The following NCOA2 variants were observed in gnomAD, a reference collection of about 807,000 sequenced individuals.
NCOA2 encodes nuclear receptor coactivator 2, also known as class E basic helix-loop-helix protein 75.
Under a neutral mutation model 145.1 loss-of-function variants are expected in NCOA2, and 21 were observed. The observed-to-expected ratio is 0.14, with a 90% CI of 0.10 to 0.21. The LOEUF (loss-of-function observed/expected upper bound fraction) is 0.21, where lower values mean the gene tolerates loss of function less well. Ranked by LOEUF, NCOA2 falls within the 10% of genes least tolerant of loss-of-function variation. NCOA2 has a pLI of 1.00. For synonymous variants in NCOA2, 619 were observed against 637.5 expected, an observed-to-expected ratio of 0.97 and a Z score of 0.44; for missense variants, 1,472 against 1,837.6, an observed-to-expected ratio of 0.80 and a Z score of 3.64.
chr8:70,296,977 G>C (rs1827137062), intron 1 of NCOA2, among the ~76,000 whole-genome samples, 177 bp from the exon 2 acceptor site: 1 of 152,182 alleles, frequency 6.6e-6, no homozygotes. Flanking sequence ...TCAAGAAGTA[G>C]ACTTGCTGCA....
intron 2 of NCOA2, among the ~76,000 whole-genome samples, chr8:70,251,336 T>C (rs928347179): frequency 2.6e-5 from 4 of 152,234 alleles, no homozygotes; most frequent in East Asian, 1.9e-4. Flanking sequence ...AGAAGGACTA[T>C]AGAGTGCAAT....
intron 2 of NCOA2, among the ~76,000 whole-genome samples, chr8:70,242,355 C>T (rs1822211218): frequency 6.6e-6 from 1 of 152,058 alleles, no homozygotes; most frequent in Non-Finnish European, 1.5e-5. Context: ...TTATCTTTAA[C>T]ATTAAAATAA....
At chr8:70,390,564 G>C (rs921750685) in intron 1 of NCOA2, among the ~76,000 whole-genome samples, 18 of 150,562 alleles carry the variant, frequency 1.2e-4, no homozygotes, top group African/African-American at 4.4e-4. Flanking sequence ...CCCAGTCCAA[G>C]ACCAGCCTGG....
intron 1 of NCOA2, among the ~76,000 whole-genome samples, chr8:70,371,803 G>A (rs1811245043): frequency 6.6e-6 from 1 of 152,084 alleles, no homozygotes; most frequent in South Asian, 2.1e-4. Context: ...AAAACTCTAA[G>A]AAAATTTCTT....
chr8:70,396,252 T>C (rs1417204497), intron 1 of NCOA2, among the ~76,000 whole-genome samples: 1 of 152,256 alleles, frequency 6.6e-6, no homozygotes, highest in African/African-American at 2.4e-5. Flanking sequence ...TCTAAGCCTA[T>C]ATCCTCTATA....
At chr8:70,305,675 A>C (rs1044196129) in intron 1 of NCOA2, among the ~76,000 whole-genome samples, 1 of 152,222 alleles carries the variant, frequency 6.6e-6, no homozygotes, top group Non-Finnish European at 1.5e-5. Flanking sequence ...AAAATTGAAA[A>C]CAGCTCACAA....
chr8:70,190,308 T>C (rs1487587894), intron 4 of NCOA2, among the ~76,000 whole-genome samples: 5 of 152,168 alleles, frequency 3.3e-5, no homozygotes, highest in Admixed American at 6.5e-5. Context: ...CCTACAATCA[T>C]GGAACTACAA....
upstream of NCOA2, chr8:70,403,814 G>T (rs1008780580): frequency 5.0e-6 from 2 of 397,182 alleles, no homozygotes; most frequent in Admixed American, 4.4e-5. Flanking sequence ...CTGCTGCCTG[G>T]TTGTTTATTT....
chr8:70,335,992 G>A (rs907514939), intron 1 of NCOA2, among the ~76,000 whole-genome samples: 2 of 152,152 alleles, frequency 1.3e-5, no homozygotes, highest in African/African-American at 4.8e-5. Flanking sequence ...TTAAGGTATA[G>A]AAGATTTTTA....
chr8:70,374,974 A>T (rs916821149), intron 1 of NCOA2, among the ~76,000 whole-genome samples: 1 of 151,712 alleles, frequency 6.6e-6, no homozygotes, highest in African/African-American at 2.4e-5. Flanking sequence ...AAATCTACAG[A>T]ATAACTTAAG....
intron 10 of NCOA2, among the ~76,000 whole-genome samples, chr8:70,159,236 A>ACATATATATATATATATATATATG (rs1812640473): frequency 6.2e-5 from 1 of 16,046 alleles, no homozygotes; most frequent in Non-Finnish European, 2.2e-4. Flanking sequence ...ATATATATAT[A>ACATATATATATATATATATATATG]TATATATTTT....
At chr8:70,152,925 T>C (rs1811902668) in intron 11 of NCOA2, among the ~76,000 whole-genome samples, 1 of 152,172 alleles carries the variant, frequency 6.6e-6, no homozygotes, top group Admixed American at 6.5e-5. Flanking sequence ...TGTATTCCCT[T>C]GAAATGAAAG....
intron 1 of NCOA2, among the ~76,000 whole-genome samples, chr8:70,312,537 C>T (rs772794755): frequency 2.6e-5 from 4 of 151,724 alleles, no homozygotes; most frequent in East Asian, 3.8e-4. Flanking sequence ...AAAATACCAA[C>T]GGTCATTCTA....
intron 4 of NCOA2, among the ~76,000 whole-genome samples, chr8:70,199,245 C>T (rs962100519): frequency 1.3e-5 from 2 of 151,614 alleles, no homozygotes; most frequent in Non-Finnish European, 2.9e-5. Context: ...GTCAGGAGTT[C>T]GAGGCCAGCC....
At chr8:70,297,844 A>G (rs898186773) in intron 1 of NCOA2, among the ~76,000 whole-genome samples, 1 of 152,246 alleles carries the variant, frequency 6.6e-6, no homozygotes, top group Non-Finnish European at 1.5e-5. Flanking sequence ...GCACCAATTA[A>G]GTTTGTTCCC....
At chr8:70,372,350 G>T (rs1811295860) in intron 1 of NCOA2, among the ~76,000 whole-genome samples, 1 of 152,180 alleles carries the variant, frequency 6.6e-6, no homozygotes, top group African/African-American at 2.4e-5. Flanking sequence ...ACAGAAATTA[G>T]AATTTAATGC....
intron 2 of NCOA2, among the ~76,000 whole-genome samples, chr8:70,249,831 G>GT (rs1822957280): frequency 6.6e-6 from 1 of 151,478 alleles, no homozygotes; most frequent in Non-Finnish European, 1.5e-5. Context: ...GGGCGTGGTG[G>GT]TGTGTGCCTG....
chr8:70,183,193 A>G (rs1815679314), intron 4 of NCOA2, among the ~76,000 whole-genome samples: 2 of 152,226 alleles, frequency 1.3e-5, no homozygotes, highest in African/African-American at 4.8e-5. Context: ...GAAAGGTGAA[A>G]TTGAGATTAG....
intron 4 of NCOA2, among the ~76,000 whole-genome samples, chr8:70,209,675 T>G (rs1818814114): frequency 6.6e-6 from 1 of 152,240 alleles, no homozygotes; most frequent in Non-Finnish European, 1.5e-5. Flanking sequence ...GAGGCTCATA[T>G]GCTTGTTATA....
Sources: gnomAD v4.1 joint callset for allele counts (sites outside exome capture counted in the v4.1 genomes callset) on GRCh38, gnomAD v4.1.1 for gene constraint, MANE v1.5 for transcripts, NCBI Gene and HGNC (gene_info 2026-07-23, HGNC 2026-07-21) for gene names.